The following NRAP variants were observed in gnomAD, a reference collection of about 807,000 sequenced individuals.
The protein encoded by NRAP is nebulin related anchoring protein.
In NRAP, 189 loss-of-function variants were observed where a neutral mutation model predicts 225.9. The observed-to-expected ratio is 0.84, with a 90% confidence interval of 0.74 to 0.94. NRAP has a LOEUF of 0.94. Among genes scored for constraint, NRAP ranks in the 40% least tolerant of loss-of-function variants. The pLI is 0.00. For synonymous variants in NRAP, 769 were observed against 790.7 expected, an observed-to-expected ratio of 0.97 and a Z score of 0.46; for missense variants, 2,176 against 2,168.7, an observed-to-expected ratio of 1.00 and a Z score of -0.07.
At chr10:113,619,089 C>T (rs1000839825) in intron 25 of NRAP, among the ~76,000 whole-genome samples, 6 of 152,108 alleles carry the variant, frequency 3.9e-5, no homozygotes, top group Non-Finnish European at 7.4e-5. Flanking sequence ...ATGAGACAAG[C>T]CCATCAAAGA....
chr10:113,634,078 C>A (rs771062417), intron 15 of NRAP, 34 bp downstream of exon 15: 1 of 1,440,414 alleles, frequency 6.9e-7, no homozygotes, highest in Non-Finnish European at 9.8e-7. Flanking sequence ...ATTTCAAGAC[C>A]CCTACATCCA....
intron 30 of NRAP, among the ~76,000 whole-genome samples, chr10:113,611,210 C>CGAGATGA (rs1847300233): frequency 6.6e-6 from 1 of 152,132 alleles, no homozygotes; most frequent in South Asian, 2.1e-4. Context: ...AACGGGCCCC[C>CGAGATGA]GAGATGAGCG....
chr10:113,635,295 T>C (rs947920515), intron 14 of NRAP, among the ~76,000 whole-genome samples: 2 of 152,178 alleles, frequency 1.3e-5, no homozygotes, highest in East Asian at 1.9e-4. Flanking sequence ...GGCTGGATAG[T>C]AGGCGATAAG....
chr10:113,645,296 A>C (rs3121476), intron 11 of NRAP, among the ~76,000 whole-genome samples: 84,267 of 152,052 alleles, frequency 0.55, 24,598 homozygotes, highest in East Asian at 0.73. Flanking sequence ...TAACTTCTGA[A>C]CCACCAGAGA....
At chr10:113,621,496 C>T (rs776812907) in intron 24 of NRAP, among the ~76,000 whole-genome samples, 5 of 152,054 alleles carry the variant, frequency 3.3e-5, no homozygotes, top group Admixed American at 6.5e-5. Context: ...CCACCCATTC[C>T]AAAAATGGGG....
chr10:113,645,784 AG>A (rs1849466504), intron 11 of NRAP, 40 bp downstream of exon 11: 2 of 1,012,220 alleles, frequency 2.0e-6, no homozygotes, highest in East Asian at 4.8e-5. Flanking sequence ...AGGAGATAAA[AG>A]AGGTGATGCT....
chr10:113,590,637 A>T lies in NRAP; in HGVS notation c.4897T>A (p.Cys1633Ser). The T allele has an allele frequency of 6.2e-7, 1 of 1,613,964 alleles. No individual in the cohort carries two copies. Among genetic ancestry groups the T allele is most frequent in the Non-Finnish European group, 8.5e-7 (1 of 1,179,984 alleles). ...HYRQPLPQPT[C>S]DPEQLGLRHA... is the part of the protein sequence containing the mutation. Reference sequence around the variant, plus strand: ...CTGAGGCCCAGCTGCTCCGGGTCGCAGGTGGGCTGGGGCAGGGGCTGCCTG... The same window carrying T: ...CTGAGGCCCAGCTGCTCCGGGTCGCTGGTGGGCTGGGGCAGGGGCTGCCTG... The change falls in exon 40 of 42, where the codon TGC becomes AGC. Residue 1633 changes from cysteine to serine, a missense_variant. Cys to Ser is a moderately radical substitution (Grantham distance 112). Transcript: ENST00000359988.
At position 113,662,655 on chromosome 10, in the gene NRAP, C is replaced by A. The variant is rs1389335477; in HGVS notation, c.255+24G>T. 3.4e-6 allele frequency: 4 copies of A among 1,175,500 alleles called. No homozygotes were observed. The East Asian group carries it at 9.3e-5, about 27-fold the overall frequency. The allele number at this position is 1,175,500 out of a possible 1,614,324, so 72.8% of individuals were successfully genotyped here. A position where few individuals can be genotyped will look rare whatever the true frequency, so the allele number is the denominator to read the frequency against. On this transcript the variant is annotated intron_variant, in intron 3 of 41. Transcript: ENST00000359988. ...ACCAATCATTCTCCATACCCTCCAT[C>A]CCACTGAAAATTAAATAACTTACCC... is the stretch of plus-strand genomic sequence containing the variant.
At chr10:113,616,063 T>A (rs913346244) in intron 26 of NRAP, among the ~76,000 whole-genome samples, 1 of 152,192 alleles carries the variant, frequency 6.6e-6, no homozygotes, top group African/African-American at 2.4e-5. Context: ...CCACTCATAG[T>A]AAACTGCTGA....
chr10:113,648,437 T>TTCTCTCTCTC (rs376144953), intron 9 of NRAP, among the ~76,000 whole-genome samples: 3,491 of 65,686 alleles, frequency 0.053, 202 homozygotes, highest in Non-Finnish European at 0.073. Flanking sequence ...TTATTTTAGT[T>TTCTCTCTCTC]TCTCTCTCTC....
chr10:113,590,406 G>A (rs1009760176), intron 40 of NRAP, among the ~76,000 whole-genome samples, 172 bp downstream of exon 40: 18 of 152,066 alleles, frequency 1.2e-4, no homozygotes, highest in African/African-American at 4.4e-4. Flanking sequence ...GGAGACACTC[G>A]AGAAGTGGTG....
In NRAP at chr10:113,622,015, G is replaced by C. The variant is rs1474450900; in HGVS notation, c.2623C>G (p.Leu875Val). The change falls in exon 24 of 42, where the codon CTG becomes GTG. Residue 875 changes from leucine to valine, a missense_variant. Leu to Val is a conservative substitution (Grantham distance 32). Transcript: ENST00000359988. ...GCATGCACGAGGTGGACCATGTCCA[G>C]GGAGACGTGGCATTGGGATTTGGTG... ...EDTKSQCHVS[L>V]DMVHLVHARK... 6.2e-7 allele frequency: 1 copy of C among 1,614,216 alleles called. No individual in the cohort carries two copies. Among genetic ancestry groups the C allele is most frequent in the Non-Finnish European group, 8.5e-7 (1 of 1,180,030 alleles).
rs989823702 is a variant in NRAP at position 113,662,740 on chromosome 10, G to A, written c.194C>T (p.Thr65Ile). 5.0e-6 allele frequency: 8 copies of A among 1,598,062 alleles called. No individual in the cohort carries two copies. The highest frequency in any genetic ancestry group is 6.9e-6 in the Non-Finnish European group (8 of 1,165,922). ...ATTTAATGGAGTGTGATAGACACTG[G>A]TGAAAGTGTTGTTCTTAGGGTTATG... ...HAHNPKNNTF[T>I]SVYHTPLNLN... Residue 65 changes from threonine (T) to isoleucine (I), a missense_variant, in exon 3 of 42, where the codon ACC (threonine) becomes ATC (isoleucine). Physicochemically the swap from Thr to Ile is moderately conservative, Grantham distance 89. This residue lies in a region of NRAP where 1,708 missense variants were observed against 1,695.5 expected (regional missense o/e 1.01). Transcript: ENST00000359988.
chr10:113,622,546 C>A (rs1247605057), intron 23 of NRAP, among the ~76,000 whole-genome samples: 2 of 152,074 alleles, frequency 1.3e-5, no homozygotes. Flanking sequence ...CAAAAAGGAG[C>A]ACATTGTTTG....
intron 14 of NRAP, among the ~76,000 whole-genome samples, chr10:113,639,011 T>C (rs1483335330): frequency 6.7e-6 from 1 of 149,942 alleles, no homozygotes; most frequent in Non-Finnish European, 1.5e-5. Context: ...GCATGATTTA[T>C]AGAATCCTAC....
At chr10:113,615,645 G>T (rs1344473622) in intron 27 of NRAP, 67 bp downstream of exon 27, 5 of 835,316 alleles carry the variant, frequency 6.0e-6, no homozygotes, top group African/African-American at 3.3e-5. Flanking sequence ...ACAGGGCATT[G>T]TGTGCCTGCC....
At chr10:113,655,492 G>C (rs1215072020) in intron 4 of NRAP, among the ~76,000 whole-genome samples, 1 of 141,706 alleles carries the variant, frequency 7.1e-6, no homozygotes, top group African/African-American at 2.6e-5. Flanking sequence ...GTCTTGCTCT[G>C]TCACCTAGGA....
At chr10:113,596,538 G>T (rs955979586) in intron 37 of NRAP, among the ~76,000 whole-genome samples, 1 of 152,084 alleles carries the variant, frequency 6.6e-6, no homozygotes, top group African/African-American at 2.4e-5. Flanking sequence ...GAGGAAATAG[G>T]GCTAAATTAT....
intron 21 of NRAP, 111 bp from the exon 22 acceptor site, chr10:113,625,041 G>C (rs1021436908): frequency 5.9e-6 from 4 of 680,476 alleles, no homozygotes; most frequent in Non-Finnish European, 1.1e-5. Context: ...TGCACAGAAA[G>C]TCCATTACAA....
Sources: allele counts gnomAD v4.1 joint callset (sites outside exome capture counted in the v4.1 genomes callset), GRCh38; gene constraint gnomAD v4.1.1; regional missense constraint gnomAD v4.1.1; transcripts MANE v1.5; gene names NCBI Gene and HGNC (gene_info 2026-07-23, HGNC 2026-07-21).